The following EBF3 variants were observed in gnomAD, a reference collection of about 807,000 sequenced individuals.
EBF3 encodes the protein EBF transcription factor 3, also known as transcription factor COE3.
In EBF3, 18 loss-of-function variants were observed where a neutral mutation model predicts 77.1. The ratio of observed to expected loss-of-function variants is 0.23; its 90% CI spans 0.16 to 0.35. EBF3 has a LOEUF of 0.35. Among genes scored for constraint, EBF3 ranks in the 10% least tolerant of loss-of-function variants. The pLI, the probability that EBF3 is intolerant of heterozygous loss-of-function variation, is 1.00. For synonymous variants in EBF3, 350 were observed against 343.5 expected, an observed-to-expected ratio of 1.02 and a Z score of -0.21; for missense variants, 558 against 860.0, an observed-to-expected ratio of 0.65 and a Z score of 4.39.
At chr10:129,892,148 G>A (rs530742613) in intron 6 of EBF3, among the ~76,000 whole-genome samples, 2 of 152,314 alleles carry the variant, frequency 1.3e-5, no homozygotes, top group Admixed American at 6.5e-5. Context: ...GGATGATCCC[G>A]GGTCTCTCCC....
At chr10:129,845,175 GAC>G (rs2133967367) in intron 11 of EBF3, among the ~76,000 whole-genome samples, 1 of 152,322 alleles carries the variant, frequency 6.6e-6, no homozygotes, top group South Asian at 2.1e-4. Context: ...ATATCAGAGA[GAC>G]ACAAAACGGG....
chr10:129,948,458 T>C (rs1858412416), intron 6 of EBF3, among the ~76,000 whole-genome samples: 1 of 152,124 alleles, frequency 6.6e-6, no homozygotes, highest in East Asian at 1.9e-4. Context: ...GGCACTGCGA[T>C]GGCAGGTACG....
rs79343301 is a variant in EBF3 at position 129,852,450 on chromosome 10, G to A, written c.1040-3970C>T. 2.2e-3 allele frequency among the ~76,000 whole-genome samples: 331 copies of A among 152,258 alleles called. 6 individuals carry two copies. The East Asian group carries it at 0.051, about 23-fold the overall frequency. On this transcript the variant is annotated intron_variant, in intron 10 of 16. Transcript: ENST00000440978. ...AGCTGGGGCCAGAGCAGCTCCAACC[G>A]GCCTGCTGCAATTAGAGACGTACCG...
chr10:129,897,203 G>A lies in EBF3; in HGVS notation c.555-19354C>T, dbSNP rs553246223. On this transcript the variant is annotated intron_variant, in intron 6 of 16. Transcript: ENST00000440978. This position sits in a 1 kb window ranked among gnomAD's most constrained non-coding sequence, Gnocchi z 4.6. ...CTCGCGGTGTACACGGGCCCTCCAC[G>A]CAGCCAGGAAGGGGTTCTGCTCTTC... 5.9e-5 allele frequency among the ~76,000 whole-genome samples: 9 copies of A among 152,282 alleles called. No homozygotes were observed. The highest frequency in any genetic ancestry group is 4.1e-4 in the South Asian group (2 of 4,822).
Position 129,879,794 on chromosome 10 carries a change from C to A in EBF3, c.555-1945G>T, listed in dbSNP as rs747125757. Among the ~76,000 whole-genome samples the A allele has an allele frequency of 2.0e-5, 3 of 152,220 alleles. No homozygotes were observed. Among genetic ancestry groups the A allele is most frequent in the Non-Finnish European group, 4.4e-5 (3 of 68,040 alleles). ...ATGAGGCGCACCTGCGGCCACACTG[C>A]ATTTGAACTGCATCAGAAAGGGCCT... On this transcript the variant is annotated intron_variant, in intron 6 of 16. Transcript: ENST00000440978. This position sits in a 1 kb window ranked among gnomAD's most constrained non-coding sequence, Gnocchi z 4.7.
At chr10:129,956,308 T>G (rs1033849737) in intron 6 of EBF3, among the ~76,000 whole-genome samples, 20 of 152,214 alleles carry the variant, frequency 1.3e-4, no homozygotes, top group African/African-American at 4.8e-4. Context: ...TTCAAAACCG[T>G]CTAAACCTCT....
At position 129,946,432 on chromosome 10, in the gene EBF3, C is replaced by G. The variant is rs576637389; in HGVS notation, c.554+10826G>C. On this transcript the variant is annotated intron_variant, in intron 6 of 16. Transcript: ENST00000440978. ...ACTTGTCATGACAAATGTCCCGAAC[C>G]CGGTAAATATGCTGCTGACCGCAGG... Among the ~76,000 whole-genome samples the G allele has an allele frequency of 3.9e-5, 6 of 152,314 alleles. No individual in the cohort carries two copies. The South Asian group carries it at 1.2e-3, about 32-fold the overall frequency.
intron 10 of EBF3, among the ~76,000 whole-genome samples, chr10:129,854,837 G>A (rs974435797): frequency 3.9e-5 from 6 of 152,244 alleles, no homozygotes; most frequent in African/African-American, 7.2e-5. Flanking sequence ...ATTGTGGTGT[G>A]CACGGGAAGC....
chr10:129,867,610 G>T (rs1357371954), intron 9 of EBF3, among the ~76,000 whole-genome samples, 172 bp downstream of exon 9: 1 of 152,194 alleles, frequency 6.6e-6, no homozygotes, highest in East Asian at 1.9e-4. Context: ...TGCAGGGCAG[G>T]GGGGTGTTCC....
In EBF3 at chr10:129,841,743, G is replaced by T. The variant is rs545554984; in HGVS notation, c.1372+373C>A. ...TCCAAACTTAGACCCAAATCCCGCC[G>T]TGCAGTGCGTCCAAGCAGGCTCCCC... is the stretch of plus-strand genomic sequence containing the variant. On this transcript the variant is annotated intron_variant, in intron 13 of 16. Coordinates refer to ENST00000440978, the MANE Select transcript of EBF3 (RefSeq NM_001375380.1). This position sits in a 1 kb window ranked among gnomAD's most constrained non-coding sequence, Gnocchi z 4.6. 6.6e-6 allele frequency among the ~76,000 whole-genome samples: 1 copy of T among 152,126 alleles called. No individual in the cohort carries two copies. Among genetic ancestry groups the T allele is most frequent in the African/African-American group, 2.4e-5 (1 of 41,416 alleles).
chr10:129,912,806 C>T (rs1019997419), intron 6 of EBF3, among the ~76,000 whole-genome samples: 3 of 152,184 alleles, frequency 2.0e-5, no homozygotes, highest in African/African-American at 7.2e-5. Context: ...CACTCTGATG[C>T]GCCACAGCAA....
At chr10:129,933,963 A>T (rs1298766989) in intron 6 of EBF3, among the ~76,000 whole-genome samples, 2 of 152,186 alleles carry the variant, frequency 1.3e-5, no homozygotes, top group Admixed American at 6.5e-5. Flanking sequence ...TCCGGGACAC[A>T]GACCAAGGCC....
At position 129,837,642 on chromosome 10, in the gene EBF3, T is replaced by C. The variant is rs906253258; in HGVS notation, c.*301A>G. The C allele has an allele frequency of 2.0e-5, 8 of 396,282 alleles. No individual in the cohort carries two copies. The highest frequency in any genetic ancestry group is 7.0e-4 in the Middle Eastern group (1 of 1,432). The allele number at this position is 396,282 out of a possible 1,614,324, so 24.5% of individuals were successfully genotyped here. On this transcript the variant is annotated 3_prime_UTR_variant, in exon 17 of 17. Coordinates refer to ENST00000440978, the MANE Select transcript of EBF3 (RefSeq NM_001375380.1). The stretch of plus-strand genomic sequence containing the variant: ...GGCCAAGACGGAGTCGGAAACTTTA[T>C]ACAAAATAGGCGTCGCTTTGTTTTC...
rs536967662 is a variant in EBF3, at chr10:129,837,692, T to G, written c.*251A>C. The G allele has an allele frequency of 1.3e-5, 7 of 541,008 alleles. No homozygotes were observed. In the African/African-American group the frequency reaches 1.3e-4, roughly 10 times the overall value. The allele number at this position is 541,008 out of a possible 1,614,324, so 33.5% of individuals were successfully genotyped here. A position where few individuals can be genotyped will look rare whatever the true frequency, so the allele number is the denominator to read the frequency against. ...CCTTATTCTTCAGGACTGAGAAATG[T>G]GAAAATATGAGAAAAGTTCAGTCAA... On this transcript the variant is annotated 3_prime_UTR_variant, in exon 17 of 17. Coordinates refer to ENST00000440978, the MANE Select transcript of EBF3 (RefSeq NM_001375380.1).
rs574467050 is a variant in EBF3, at chr10:129,869,264, T to C, written c.782-1352A>G. On this transcript the variant is annotated intron_variant, in intron 8 of 16. Transcript: ENST00000440978. ...AACCCTAGAATAAGGGACTCAACCC[T>C]GAGGCCCGAGGAGTACCCTTGCTGT... 2.0e-4 allele frequency among the ~76,000 whole-genome samples: 30 copies of C among 152,322 alleles called. No homozygotes were observed. In the East Asian group the frequency reaches 5.8e-3, roughly 29 times the overall value.
intron 6 of EBF3, among the ~76,000 whole-genome samples, chr10:129,920,420 G>A (rs1043431538): frequency 6.6e-5 from 10 of 152,104 alleles, no homozygotes; most frequent in African/African-American, 1.2e-4. Context: ...GATCTAGGGC[G>A]AATATCTGCA....
In EBF3 at chr10:129,963,711, G is replaced by A. The variant is rs768474452; in HGVS notation, c.58C>T (p.Leu20=). The change falls in exon 1 of 17, where the codon CTG becomes TTG. Residue 20 remains leucine, a synonymous_variant. Transcript: ENST00000440978. This position sits in a 1 kb window ranked among gnomAD's most constrained non-coding sequence, Gnocchi z 7.1. ...CGCACCGGGTTCATGCCGCTGCCCA[G>A]CGGCTCCTCCTTCATGGTCGTCCCC... ...RGGTTMKEEP[L]GSGMNPVRSW... 9 of 1,536,902 alleles carry A rather than the reference G, an allele frequency of 5.9e-6. No homozygotes were observed. Among genetic ancestry groups the A allele is most frequent in the Non-Finnish European group, 7.0e-6 (8 of 1,136,108 alleles).
At chr10:129,840,536 G>C (rs369106114) in intron 14 of EBF3, 94 bp from the exon 15 acceptor site, 1 of 1,393,830 alleles carries the variant, frequency 7.2e-7, no homozygotes, top group Non-Finnish European at 9.7e-7. Flanking sequence ...GGGGGGCAGG[G>C]GCACGAAAAC....
At chr10:129,858,427 G>C (rs1452788141) in intron 10 of EBF3, among the ~76,000 whole-genome samples, 3 of 152,208 alleles carry the variant, frequency 2.0e-5, no homozygotes, top group African/African-American at 7.2e-5. Context: ...CCACCCTCAG[G>C]TTGGTGCCTG....
Sources: allele counts gnomAD v4.1 joint callset (sites outside exome capture counted in the v4.1 genomes callset), GRCh38; gene constraint gnomAD v4.1.1; non-coding constraint Gnocchi (gnomAD v3.1); transcripts MANE v1.5; gene names NCBI Gene and HGNC (gene_info 2026-07-23, HGNC 2026-07-21).